The following ZCWPW2 variants were observed in gnomAD, a reference collection of about 807,000 sequenced individuals.
The protein encoded by ZCWPW2 is zinc finger CW-type PWWP domain protein 2.
In ZCWPW2, 45 loss-of-function variants were observed where a neutral mutation model predicts 46.6. The observed-to-expected ratio is 0.96, with a 90% confidence interval of 0.76 to 1.24. The LOEUF (loss-of-function observed/expected upper bound fraction) is 1.24, where lower values mean the gene tolerates loss of function less well. ZCWPW2 is among the 50% of genes most tolerant of loss of function. The probability of loss-of-function intolerance (pLI) is 0.00; values close to 1 mark genes in which losing one functional copy is unlikely to be tolerated. For missense variants in ZCWPW2, 429 were observed against 403.9 expected (o/e 1.06, Z -0.53); for synonymous variants, 152 against 137.1 (o/e 1.11, Z -0.76).
At chr3:28,358,461 A>G (rs569048596) in intron 1 of ZCWPW2, among the ~76,000 whole-genome samples, 37 of 152,116 alleles carry the variant, frequency 2.4e-4, no homozygotes, top group Non-Finnish European at 3.8e-4. Flanking sequence ...TAATTGTCAA[A>G]TTCTCAGAGA....
chr3:28,484,433 T>C (rs1248031890), intron 5 of ZCWPW2, among the ~76,000 whole-genome samples: 1 of 152,208 alleles, frequency 6.6e-6, no homozygotes, highest in Non-Finnish European at 1.5e-5. Flanking sequence ...GGGAAGGTTA[T>C]TATATTGATT....
chr3:28,476,089 ATATT>A (rs1699230169), intron 4 of ZCWPW2, among the ~76,000 whole-genome samples: 1 of 151,140 alleles, frequency 6.6e-6, no homozygotes, highest in South Asian at 2.1e-4. Context: ...CATTCATTAT[ATATT>A]TATATGTTGT....
chr3:28,406,408 T>C (rs751691641), intron 2 of ZCWPW2, among the ~76,000 whole-genome samples: 2 of 152,310 alleles, frequency 1.3e-5, no homozygotes, highest in South Asian at 4.1e-4. Flanking sequence ...GTAGTGACTG[T>C]TGTCCAGTCA....
At chr3:28,521,530 C>A (rs1004081528) in intron 9 of ZCWPW2, among the ~76,000 whole-genome samples, 12 of 152,282 alleles carry the variant, frequency 7.9e-5, no homozygotes, top group African/African-American at 2.9e-4. Context: ...TCTACAGGGA[C>A]AAACCTTATC....
At chr3:28,483,444 C>T (rs1699497170) in intron 5 of ZCWPW2, among the ~76,000 whole-genome samples, 1 of 152,112 alleles carries the variant, frequency 6.6e-6, no homozygotes, top group South Asian at 2.1e-4. Flanking sequence ...TGTTCTTCTC[C>T]TTCCATATTG....
intron 3 of ZCWPW2, among the ~76,000 whole-genome samples, chr3:28,429,019 C>A (rs1364944863): frequency 6.6e-6 from 1 of 152,108 alleles, no homozygotes; most frequent in Non-Finnish European, 1.5e-5. Flanking sequence ...ACAGAGTGGG[C>A]TGCTGCTATA....
At chr3:28,504,893 A>T (rs1700236773) in intron 6 of ZCWPW2, among the ~76,000 whole-genome samples, 1 of 152,170 alleles carries the variant, frequency 6.6e-6, no homozygotes, top group South Asian at 2.1e-4. Context: ...AACTCTTTAT[A>T]ATTATAAGTG....
At chr3:28,449,936 T>C (rs1698158480) in intron 4 of ZCWPW2, among the ~76,000 whole-genome samples, 2 of 152,192 alleles carry the variant, frequency 1.3e-5, no homozygotes, top group African/African-American at 2.4e-5. Flanking sequence ...TGTTTTAGTG[T>C]AGAGTAATGT....
At chr3:28,444,945 C>G (rs1697926096) in intron 4 of ZCWPW2, among the ~76,000 whole-genome samples, 1 of 151,980 alleles carries the variant, frequency 6.6e-6, no homozygotes, top group Non-Finnish European at 1.5e-5. Flanking sequence ...AGTGTTCACA[C>G]CAAGGAGTAT....
chr3:28,350,051 G>A (rs1283324085), intron 1 of ZCWPW2, among the ~76,000 whole-genome samples: 1 of 152,146 alleles, frequency 6.6e-6, no homozygotes, highest in Non-Finnish European at 1.5e-5. Flanking sequence ...CGTTGAGAAA[G>A]GAAACGATTT....
At chr3:28,497,566 G>T (rs1467616094) in intron 6 of ZCWPW2, among the ~76,000 whole-genome samples, 1 of 151,654 alleles carries the variant, frequency 6.6e-6, no homozygotes, top group Non-Finnish European at 1.5e-5. Context: ...AAGAAGAATT[G>T]ATGGATCAAA....
intron 2 of ZCWPW2, among the ~76,000 whole-genome samples, chr3:28,404,435 A>G (rs1171101591): frequency 2.2e-5 from 2 of 92,392 alleles, no homozygotes; most frequent in African/African-American, 6.0e-5. Flanking sequence ...GGGAATGTAA[A>G]CTAGTACAAC....
At chr3:28,520,938 A>G in intron 8 of ZCWPW2, 54 bp from the exon 9 acceptor site, 2 of 1,596,664 alleles carry the variant, frequency 1.3e-6, no homozygotes, top group East Asian at 4.5e-5. Context: ...ATTATGAATT[A>G]GATTGAATTA....
intron 4 of ZCWPW2, among the ~76,000 whole-genome samples, chr3:28,448,784 C>CAAAAAAAAAAA (rs576935771): frequency 7.7e-5 from 5 of 65,334 alleles, no homozygotes; most frequent in Non-Finnish European, 1.4e-4. Context: ...GACTCTGTCT[C>CAAAAAAAAAAA]AAAAAAAAAA....
At position 28,413,152 on chromosome 3, in the gene ZCWPW2, A is replaced by C. The variant is rs1696471324; in HGVS notation, c.84A>C (p.Lys28Asn). 1 of 1,613,278 alleles carries C rather than the reference A, an allele frequency of 6.2e-7. No individual in the cohort carries two copies. Among genetic ancestry groups the C allele is most frequent in the East Asian group, 2.2e-5 (1 of 44,822 alleles). The change falls in exon 3 of 10, where the codon AAA (lysine) becomes AAC (asparagine). Residue 28 changes from lysine (K) to asparagine (N), a missense_variant. By Grantham distance (94) the Lys-to-Asn change is moderately conservative (BLOSUM62 0). Transcript: ENST00000383768. ...CAGTGGAAAACATGTATGTAAACAA[A>C]GTGTGGGTTCAATGTGAGAATGAAA... ...DSSVENMYVN[K>N]VWVQCENENC...
At chr3:28,399,043 G>A (rs980413390) in intron 2 of ZCWPW2, among the ~76,000 whole-genome samples, 3 of 152,170 alleles carry the variant, frequency 2.0e-5, no homozygotes, top group Admixed American at 6.5e-5. Flanking sequence ...CCTGGGGCAA[G>A]TTCTCAGCCC....
chr3:28,383,812 C>T (rs1250373257), intron 1 of ZCWPW2, among the ~76,000 whole-genome samples: 1 of 152,116 alleles, frequency 6.6e-6, no homozygotes, highest in Non-Finnish European at 1.5e-5. Context: ...AGTCAGTTCA[C>T]ACTTTTTATA....
At chr3:28,500,341 G>C (rs1700109668) in intron 6 of ZCWPW2, among the ~76,000 whole-genome samples, 1 of 151,926 alleles carries the variant, frequency 6.6e-6, no homozygotes, top group Non-Finnish European at 1.5e-5. Context: ...ACATAGTTTG[G>C]TTCTCTATCC....
chr3:28,453,462 A>G (rs771932474), intron 4 of ZCWPW2, among the ~76,000 whole-genome samples: 2 of 152,206 alleles, frequency 1.3e-5, no homozygotes, highest in African/African-American at 2.4e-5. Flanking sequence ...AAATGTATCA[A>G]TTAGGTTTAT....
Sources: allele counts gnomAD v4.1 joint callset (sites outside exome capture counted in the v4.1 genomes callset), GRCh38; gene constraint gnomAD v4.1.1; transcripts MANE v1.5; gene names NCBI Gene and HGNC (gene_info 2026-07-23, HGNC 2026-07-21).